The following ATP8B4 variants were observed in gnomAD, a reference collection of about 807,000 sequenced individuals.
ATP8B4 encodes the protein probable phospholipid-transporting ATPase IM.
ATP8B4 carries 133 observed loss-of-function variants against 145.6 expected under a neutral mutation model. The ratio of observed to expected loss-of-function variants is 0.91; its 90% CI spans 0.79 to 1.05. The LOEUF (loss-of-function observed/expected upper bound fraction) is 1.05. ATP8B4 is among the 50% of genes least tolerant of loss of function. ATP8B4 has a pLI of 0.00. For missense variants in ATP8B4, 1,458 were observed against 1,425.2 expected (o/e 1.02, Z -0.37); for synonymous variants, 507 against 492.9 (o/e 1.03, Z -0.38).
chr15:50,078,230 G>A (rs554892487), intron 2 of ATP8B4, among the ~76,000 whole-genome samples: 77 of 151,076 alleles, frequency 5.1e-4, no homozygotes, highest in African/African-American at 1.5e-3. Flanking sequence ...ACCCAGGCTG[G>A]TATGCAGTGG....
At chr15:49,898,907 T>C (rs1393387240) in intron 21 of ATP8B4, among the ~76,000 whole-genome samples, 1 of 152,170 alleles carries the variant, frequency 6.6e-6, no homozygotes, top group Non-Finnish European at 1.5e-5. Flanking sequence ...AAGAAATCAC[T>C]AAAAAAGATA....
intron 2 of ATP8B4, 125 bp downstream of exon 2, chr15:50,106,814 C>G: frequency 1.2e-6 from 1 of 868,896 alleles, no homozygotes; most frequent in Non-Finnish European, 1.7e-6. Flanking sequence ...ATATAATCGT[C>G]GAAGTTCACT....
intron 23 of ATP8B4, among the ~76,000 whole-genome samples, chr15:49,891,398 T>C (rs1275091275): frequency 1.3e-5 from 2 of 152,128 alleles, no homozygotes; most frequent in African/African-American, 4.8e-5. Context: ...TGATCTCAGC[T>C]CACTGCAACC....
intron 2 of ATP8B4, among the ~76,000 whole-genome samples, chr15:50,098,910 A>G (rs76979723): frequency 0.018 from 2,702 of 152,318 alleles, 78 homozygotes; most frequent in African/African-American, 0.062. Flanking sequence ...ATGGATACAT[A>G]ATAATGAATC....
chr15:49,860,555 GC>G, intron 27 of ATP8B4, 80 bp from the exon 28 acceptor site: 1 of 1,422,344 alleles, frequency 7.0e-7, no homozygotes, highest in Non-Finnish European at 9.3e-7. Context: ...TAAAGTGAAA[GC>G]CTTTTTTTTT....
chr15:49,876,269 C>G lies in ATP8B4; in HGVS notation c.3027+9G>C, dbSNP rs1162747759. 6.2e-7 allele frequency: 1 copy of G among 1,612,466 alleles called. No individual in the cohort carries two copies. Among genetic ancestry groups the G allele is most frequent in the East Asian group, 2.2e-5 (1 of 44,836 alleles). ...CATCAAGTTAAGGTGCTTACACCGA[C>G]AGCGTTACCTGCACACTGACCACAA... is the stretch of plus-strand genomic sequence containing the variant. On this transcript the variant is annotated intron_variant, in intron 25 of 27. Coordinates refer to ENST00000284509, the MANE Select transcript of ATP8B4 (RefSeq NM_024837.4).
At chr15:50,065,044 G>A (rs2053283618) in intron 3 of ATP8B4, among the ~76,000 whole-genome samples, 1 of 151,986 alleles carries the variant, frequency 6.6e-6, no homozygotes, top group African/African-American at 2.4e-5. Context: ...AGATTTGGTG[G>A]GAACACAGAT....
intron 24 of ATP8B4, among the ~76,000 whole-genome samples, chr15:49,877,798 G>T (rs761331404): frequency 1.3e-5 from 2 of 152,154 alleles, no homozygotes; most frequent in South Asian, 2.1e-4. Flanking sequence ...TTGCCACATC[G>T]TAAGTAATAA....
At chr15:50,153,152 CAT>C (rs1164378918) in intron 1 of ATP8B4, among the ~76,000 whole-genome samples, 1 of 152,072 alleles carries the variant, frequency 6.6e-6, no homozygotes, top group African/African-American at 2.4e-5. Context: ...ACAATTCAAA[CAT>C]ATCAAGAAAA....
At chr15:50,042,106 G>T (rs2051333871) in intron 5 of ATP8B4, among the ~76,000 whole-genome samples, 1 of 149,896 alleles carries the variant, frequency 6.7e-6, no homozygotes, top group Non-Finnish European at 1.5e-5. Flanking sequence ...AGTGAGCCGA[G>T]ATCATGCCAC....
chr15:50,034,373 G>GT (rs1471934386), intron 6 of ATP8B4, among the ~76,000 whole-genome samples: 1 of 151,708 alleles, frequency 6.6e-6, no homozygotes, highest in Non-Finnish European at 1.5e-5. Context: ...GGGATTACCG[G>GT]TGCCTGCCAC....
intron 20 of ATP8B4, among the ~76,000 whole-genome samples, chr15:49,902,737 C>G (rs1359864787): frequency 3.3e-5 from 5 of 152,186 alleles, no homozygotes; most frequent in Admixed American, 1.3e-4. Context: ...ATCCTCCTCA[C>G]AGTCATGAAA....
chr15:50,084,402 C>T (rs997525357), intron 2 of ATP8B4, among the ~76,000 whole-genome samples: 4 of 152,144 alleles, frequency 2.6e-5, no homozygotes, highest in South Asian at 4.1e-4. Context: ...TGCTCAGAAT[C>T]GGCCACTTCT....
intron 5 of ATP8B4, among the ~76,000 whole-genome samples, chr15:50,039,461 T>C (rs1231299286): frequency 6.6e-6 from 1 of 152,178 alleles, no homozygotes; most frequent in African/African-American, 2.4e-5. Flanking sequence ...CTTGAAAGAA[T>C]CTCAATATTA....
intron 1 of ATP8B4, among the ~76,000 whole-genome samples, chr15:50,156,450 C>T (rs1300726081): frequency 2.0e-5 from 3 of 152,024 alleles, no homozygotes; most frequent in African/African-American, 7.2e-5. Context: ...GTACATAATG[C>T]TGCTGTAATT....
chr15:49,892,788 TCAAC>T (rs1289733278), intron 23 of ATP8B4, among the ~76,000 whole-genome samples: 1 of 152,164 alleles, frequency 6.6e-6, no homozygotes, highest in African/African-American at 2.4e-5. Context: ...ATGCCAAAAT[TCAAC>T]CAAATGGGGA....
At chr15:50,023,788 A>G (rs2049787353) in intron 6 of ATP8B4, among the ~76,000 whole-genome samples, 1 of 146,356 alleles carries the variant, frequency 6.8e-6, no homozygotes. Context: ...GCAAAAAAAA[A>G]AAAAAAAAGA....
chr15:50,133,542 A>T (rs572885419), intron 1 of ATP8B4, among the ~76,000 whole-genome samples: 1 of 152,206 alleles, frequency 6.6e-6, no homozygotes, highest in East Asian at 1.9e-4. Context: ...GCAGTGAGCC[A>T]TGATCACGCC....
chr15:50,015,052 C>T (rs1431175387), intron 6 of ATP8B4, among the ~76,000 whole-genome samples: 2 of 152,132 alleles, frequency 1.3e-5, no homozygotes, highest in African/African-American at 2.4e-5. Flanking sequence ...GGTTCATTCA[C>T]TCAATGGAAT....
Sources: gnomAD v4.1 joint callset for allele counts (sites outside exome capture counted in the v4.1 genomes callset) on GRCh38, gnomAD v4.1.1 for gene constraint, MANE v1.5 for transcripts, NCBI Gene and HGNC (gene_info 2026-07-23, HGNC 2026-07-21) for gene names.